CACNA1D: variants seen among roughly 807,000 people sequenced by gnomAD.
CACNA1D encodes the protein calcium voltage-gated channel subunit alpha1 D, also known as voltage-dependent L-type calcium channel subunit alpha-1D.
CACNA1D carries 55 observed loss-of-function variants against 257.1 expected under a neutral mutation model. The observed-to-expected ratio is 0.21, with a 90% CI of 0.17 to 0.27. The LOEUF (loss-of-function observed/expected upper bound fraction) is 0.27. CACNA1D is among the 10% of genes least tolerant of loss of function. The pLI is 1.00. For missense variants in CACNA1D, 1,876 were observed against 2,784.0 expected (o/e 0.67, Z 7.34); for synonymous variants, 980 against 1,014.9 (o/e 0.97, Z 0.65).
Position 53,673,194 on chromosome 3 carries a change from G to C in CACNA1D, c.1220+68G>C. On this transcript the variant is annotated intron_variant, in intron 8 of 47. Transcript: ENST00000350061. The surrounding 1 kb of genome is among the most constrained non-coding windows in gnomAD (Gnocchi z 4.1). The stretch of plus-strand genomic sequence containing the variant: ...CAGTTGCCAAGACCACACAAGCTTT[G>C]CTGGATGAGGGCCGCCAAGAGGGGT... The C allele has an allele frequency of 1.8e-6, 2 of 1,087,642 alleles. No individual in the cohort carries two copies. Among genetic ancestry groups the C allele is most frequent in the Non-Finnish European group, 2.7e-6 (2 of 727,658 alleles). The allele number at this position is 1,087,642 out of a possible 1,614,324, so 67.4% of individuals were successfully genotyped here.
At chr3:53,757,694 T>C (rs2095274130) in intron 29 of CACNA1D, among the ~76,000 whole-genome samples, 1 of 152,156 alleles carries the variant, frequency 6.6e-6, no homozygotes, top group Non-Finnish European at 1.5e-5. Flanking sequence ...TTCCTGCCAT[T>C]CCCTCCCTGC....
At chr3:53,802,617 A>G (rs1018965024) in intron 43 of CACNA1D, among the ~76,000 whole-genome samples, 1 of 152,230 alleles carries the variant, frequency 6.6e-6, no homozygotes, top group Non-Finnish European at 1.5e-5. Flanking sequence ...TATGTGTAGT[A>G]TATTCCACTC....
chr3:53,682,158 C>T (rs1388803016), intron 8 of CACNA1D, among the ~76,000 whole-genome samples: 1 of 151,742 alleles, frequency 6.6e-6, no homozygotes, highest in Non-Finnish European at 1.5e-5. Flanking sequence ...TTCTCATATC[C>T]TCAACTTACC....
chr3:53,722,583 C>G (rs1482932726), intron 12 of CACNA1D, 109 bp downstream of exon 12: 1 of 1,129,166 alleles, frequency 8.9e-7, no homozygotes, highest in African/African-American at 1.5e-5. Context: ...CGCAACATTT[C>G]TAGTGAGGAC....
chr3:53,604,444 A>C (rs1006935876), intron 3 of CACNA1D, among the ~76,000 whole-genome samples: 2 of 152,182 alleles, frequency 1.3e-5, no homozygotes, highest in Non-Finnish European at 2.9e-5. Flanking sequence ...GGGCTGGCAC[A>C]TTGTTGAGGA....
chr3:53,709,181 A>G (rs1489177789), intron 9 of CACNA1D, among the ~76,000 whole-genome samples: 2 of 152,190 alleles, frequency 1.3e-5, no homozygotes, highest in Admixed American at 6.5e-5. Context: ...ATGAAAGAAC[A>G]TAGAGTAATA....
intron 3 of CACNA1D, among the ~76,000 whole-genome samples, chr3:53,598,940 C>T (rs2093406652): frequency 6.6e-6 from 1 of 151,660 alleles, no homozygotes; most frequent in Non-Finnish European, 1.5e-5. Context: ...TTCTTGAGGT[C>T]ATGAGCAAAT....
chr3:53,648,945 A>G (rs533522972), intron 3 of CACNA1D, among the ~76,000 whole-genome samples: 1 of 152,188 alleles, frequency 6.6e-6, no homozygotes, highest in Non-Finnish European at 1.5e-5. Flanking sequence ...GACAGGAACC[A>G]CAACAGCCCT....
intron 27 of CACNA1D, among the ~76,000 whole-genome samples, chr3:53,749,881 G>T (rs2095210252): frequency 6.6e-6 from 1 of 152,202 alleles, no homozygotes; most frequent in Non-Finnish European, 1.5e-5. Flanking sequence ...TTTCAGTCTG[G>T]GATGATTCTT....
At chr3:53,761,578 A>G (rs4687739) in intron 29 of CACNA1D, among the ~76,000 whole-genome samples, 149,388 of 152,352 alleles carry the variant, frequency 0.98, 73,295 homozygotes, top group Middle Eastern at 1. Flanking sequence ...TGTGTGCAAT[A>G]CCTGGTGACA....
chr3:53,531,227 C>T (rs763304611), intron 3 of CACNA1D, among the ~76,000 whole-genome samples: 6 of 152,054 alleles, frequency 3.9e-5, no homozygotes, highest in Non-Finnish European at 7.4e-5. Context: ...TCAAGCTCCC[C>T]GTGTTTCTTT....
In CACNA1D at chr3:53,554,013, A is replaced by G. The variant is rs575779825; in HGVS notation, c.483+52293A>G. On this transcript the variant is annotated intron_variant, in intron 3 of 47. Coordinates refer to ENST00000350061, the MANE Select transcript of CACNA1D (RefSeq NM_001128840.3). ...AGATGGAGACCATCCTGGCTAACAC[A>G]GTGAAACCCTGTCTCTACTAAAAAT... Among the ~76,000 whole-genome samples, 51 of 151,916 alleles carry G rather than the reference A, an allele frequency of 3.4e-4. No individual in the cohort carries two copies. In the South Asian group the frequency reaches 8.1e-3, roughly 24 times the overall value.
intron 3 of CACNA1D, among the ~76,000 whole-genome samples, chr3:53,522,183 A>G (rs1017220951): frequency 6.6e-6 from 1 of 152,184 alleles, no homozygotes; most frequent in Non-Finnish European, 1.5e-5. Context: ...TGGCCACCGT[A>G]TTAGACGACA....
chr3:53,586,947 G>A (rs1360147764), intron 3 of CACNA1D, among the ~76,000 whole-genome samples: 1 of 152,186 alleles, frequency 6.6e-6, no homozygotes, highest in Non-Finnish European at 1.5e-5. Context: ...TAAAGGCAGT[G>A]TGTAGGTGAG....
At chr3:53,652,782 C>T (rs1001868642) in intron 4 of CACNA1D, among the ~76,000 whole-genome samples, 1 of 152,184 alleles carries the variant, frequency 6.6e-6, no homozygotes, top group South Asian at 2.1e-4. Context: ...TTTATTGTAA[C>T]ATGGCCACAC....
rs1436689126 is a variant in CACNA1D at position 53,753,662 on chromosome 3, G to A, written c.3766G>A (p.Val1256Ile). 13 of 1,610,984 alleles carry A rather than the reference G, an allele frequency of 8.1e-6. No homozygotes were observed. Among genetic ancestry groups the A allele is most frequent in the Non-Finnish European group, 1.1e-5 (13 of 1,177,042 alleles). The change falls in exon 29 of 48, where the codon GTC (valine) becomes ATC (isoleucine). Residue 1256 changes from valine (V) to isoleucine (I), a missense_variant. Coordinates refer to ENST00000350061, the MANE Select transcript of CACNA1D (RefSeq NM_001128840.3). ...GVFTVEMVLKVIAFKPKGYFS... is the reference protein window; with the variant it reads ...GVFTVEMVLKIIAFKPKGYFS... ...GTTCACCGTCGAGATGGTTTTGAAAGTCATCGCATTTAAGCCTAAGGTGAG... is the reference window on the plus strand; with the variant it reads ...GTTCACCGTCGAGATGGTTTTGAAAATCATCGCATTTAAGCCTAAGGTGAG...
At position 53,811,517 on chromosome 3, in the gene CACNA1D, T is replaced by G; in HGVS notation, c.*111T>G. 1.2e-6 allele frequency: 1 copy of G among 846,724 alleles called. No homozygotes were observed. Among genetic ancestry groups the G allele is most frequent in the Admixed American group, 3.0e-5 (1 of 32,972 alleles). 52.5% of individuals were successfully genotyped at this position (846,724 alleles called of 1,614,324 possible). On this transcript the variant is annotated 3_prime_UTR_variant, in exon 48 of 48. Transcript: ENST00000350061. The surrounding 1 kb of genome is among the most constrained non-coding windows in gnomAD (Gnocchi z 4.2). The stretch of plus-strand genomic sequence containing the variant: ...GGCACTAGTTGGGAGTAATATTCAA[T>G]TAATTAGACTTTTGTATAAGAGATG...
chr3:53,629,134 G>A (rs1040286059), intron 3 of CACNA1D, among the ~76,000 whole-genome samples: 1 of 152,364 alleles, frequency 6.6e-6, no homozygotes, highest in Non-Finnish European at 1.5e-5. Context: ...ACAAACGAGC[G>A]TGGTTGTGTG....
At chr3:53,544,374 A>G (rs947251247) in intron 3 of CACNA1D, among the ~76,000 whole-genome samples, 4 of 152,154 alleles carry the variant, frequency 2.6e-5, no homozygotes, top group African/African-American at 4.8e-5. Context: ...CAGATGGGCA[A>G]GGTTGGGGGT....
Sources: gnomAD v4.1 joint callset for allele counts (sites outside exome capture counted in the v4.1 genomes callset) on GRCh38, gnomAD v4.1.1 for gene constraint, Gnocchi (gnomAD v3.1) non-coding constraint, MANE v1.5 for transcripts, NCBI Gene and HGNC (gene_info 2026-07-23, HGNC 2026-07-21) for gene names.